Variants in ZMYM1 observed in about 807,000 individuals in gnomAD.
The protein encoded by ZMYM1 is zinc finger MYM-type containing 1.
Under a neutral mutation model 60.0 loss-of-function variants are expected in ZMYM1, and 39 were observed. That is an observed-to-expected ratio of 0.65 (90% confidence interval 0.50 to 0.85). The LOEUF is 0.85. Ranked by LOEUF, ZMYM1 falls within the 40% of genes least tolerant of loss-of-function variation. The pLI, the probability that ZMYM1 is intolerant of heterozygous loss-of-function variation, is 0.00. For missense variants in ZMYM1, 1,171 were observed against 1,309.5 expected, an observed-to-expected ratio of 0.89 and a Z score of 1.63; for synonymous variants, 413 against 454.0, an observed-to-expected ratio of 0.91 and a Z score of 1.15.
In ZMYM1 at chr1:35,062,563, A is replaced by G. The variant is rs535313555; in HGVS notation, c.-301+2638A>G. Among the ~76,000 whole-genome samples the G allele has an allele frequency of 1.1e-3, 171 of 152,370 alleles. 1 individual carries two copies. The highest frequency in any genetic ancestry group is 3.9e-3 in the African/African-American group (163 of 41,592). On this transcript the variant is annotated intron_variant, in intron 1 of 10. Transcript: ENST00000417119. ...TAGAAAGTACACTGAAGTAGGAGAT[A>G]CCAGGCACAGGTTTGTAATCCTAAA...
downstream of ZMYM1, among the ~76,000 whole-genome samples, chr1:35,116,917 C>T (rs1185744928): frequency 6.9e-6 from 1 of 143,932 alleles, no homozygotes; most frequent in Non-Finnish European, 1.5e-5. Context: ...GATCTCCGCT[C>T]ACTGCAAGCT....
At chr1:35,081,818 C>T (rs1642404134) in intron 1 of ZMYM1, among the ~76,000 whole-genome samples, 1 of 152,170 alleles carries the variant, frequency 6.6e-6, no homozygotes, top group Admixed American at 6.5e-5. Flanking sequence ...GTTTCAGCCT[C>T]CTGAGTAGCT....
chr1:35,088,818 T>TG (rs1349062430), intron 1 of ZMYM1, among the ~76,000 whole-genome samples: 9 of 147,396 alleles, frequency 6.1e-5, no homozygotes, highest in South Asian at 2.2e-4. Flanking sequence ...TTTTTTTTTT[T>TG]TTTTTGTTTT....
In ZMYM1 at chr1:35,115,093, C is replaced by T; in HGVS notation, c.3263C>T (p.Ser1088Phe). 6.2e-7 allele frequency: 1 copy of T among 1,614,086 alleles called. No homozygotes were observed. The highest frequency in any genetic ancestry group is 2.2e-5 in the East Asian group (1 of 44,866). The change falls in exon 10 of 10, where the codon TCT (serine) becomes TTT (phenylalanine). Residue 1088 changes from serine (S) to phenylalanine (F), a missense_variant. Coordinates refer to ENST00000359858, the MANE Select transcript of ZMYM1 (RefSeq NM_024772.5). The part of the protein sequence containing the change: ...ITSASTENSF[S>F]TLPRLKTYLC... ...TCAGCAAGTACTGAGAACTCATTTT[C>T]TACCCTGCCTCGTCTTAAGACATAT...
chr1:35,111,504 C>A (rs1408262317), intron 7 of ZMYM1, among the ~76,000 whole-genome samples: 1 of 152,096 alleles, frequency 6.6e-6, no homozygotes, highest in East Asian at 1.9e-4. Context: ...TAATTTTAAA[C>A]AAATTCTTTA....
chr1:35,061,392 C>T (rs1641872952), intron 1 of ZMYM1, among the ~76,000 whole-genome samples: 1 of 152,168 alleles, frequency 6.6e-6, no homozygotes, highest in Admixed American at 6.5e-5. Context: ...AATCATGTAT[C>T]ATCAGAAATG....
chr1:35,092,638 TTTC>T (rs1643093834), intron 1 of ZMYM1, among the ~76,000 whole-genome samples: 2 of 149,848 alleles, frequency 1.3e-5, no homozygotes, highest in South Asian at 4.3e-4. Flanking sequence ...TTCCTTTTCT[TTTC>T]TTTCTTGACA....
chr1:35,095,908 A>C lies in ZMYM1; in HGVS notation c.169+17A>C. 6.4e-7 allele frequency: 1 copy of C among 1,557,810 alleles called. No individual in the cohort carries two copies. Among genetic ancestry groups the C allele is most frequent in the Non-Finnish European group, 8.8e-7 (1 of 1,132,502 alleles). On this transcript the variant is annotated intron_variant, in intron 3 of 9. Coordinates refer to ENST00000359858, the MANE Select transcript of ZMYM1 (RefSeq NM_024772.5). Reference sequence around the variant, plus strand: ...CAGAGAGTGGTAATAGAATTATTTAAGTTAGTTATGTTTATTCAGACCAAT... The same window carrying C: ...CAGAGAGTGGTAATAGAATTATTTACGTTAGTTATGTTTATTCAGACCAAT...
chr1:35,068,649 A>AATAT (rs1191097052), intron 1 of ZMYM1, among the ~76,000 whole-genome samples: 7 of 145,284 alleles, frequency 4.8e-5, no homozygotes, highest in East Asian at 2.0e-4. Context: ...CAAAAAAAAA[A>AATAT]ATATATATAT....
upstream of ZMYM1, among the ~76,000 whole-genome samples, chr1:35,075,006 G>A (rs943174557): frequency 6.6e-5 from 10 of 151,752 alleles, no homozygotes; most frequent in Non-Finnish European, 1.5e-4. Flanking sequence ...GACTACAGGC[G>A]CCCGTCACTG....
chr1:35,088,846 C>G (rs1642831201), intron 1 of ZMYM1, among the ~76,000 whole-genome samples: 1 of 134,992 alleles, frequency 7.4e-6, no homozygotes, highest in South Asian at 2.5e-4. Flanking sequence ...GAGTCTCACA[C>G]TCTTGCCTGA....
intron 1 of ZMYM1, among the ~76,000 whole-genome samples, chr1:35,089,115 A>G (rs141260039): frequency 8.5e-5 from 13 of 152,156 alleles, no homozygotes; most frequent in African/African-American, 3.1e-4. Context: ...CCCAGCCTCC[A>G]CTATTTTTAT....
rs746106626 is a variant in ZMYM1, at chr1:35,095,809, T to G, written c.97-10T>G. ...ACTATTTTTAATTATTATTTTTTTTTTCTTTTTAGGAGTATTGTCATAGGC... is the reference window on the plus strand; with the variant it reads ...ACTATTTTTAATTATTATTTTTTTTGTCTTTTTAGGAGTATTGTCATAGGC... On this transcript the variant is annotated splice_polypyrimidine_tract_variant and intron_variant, in intron 2 of 9. Transcript: ENST00000359858. The G allele has an allele frequency of 2.6e-6, 4 of 1,561,726 alleles. No homozygotes were observed. In the South Asian group the frequency reaches 4.9e-5, roughly 19 times the overall value.
intron 1 of ZMYM1, among the ~76,000 whole-genome samples, chr1:35,080,674 T>G (rs571585288): frequency 2.9e-4 from 44 of 152,016 alleles, no homozygotes; most frequent in Non-Finnish European, 4.9e-4. Flanking sequence ...CATTGGTTGG[T>G]AGACACTTTA....
rs1391248500 is a variant in ZMYM1, at chr1:35,094,087, A to G, written c.96+4A>G. The G allele has an allele frequency of 6.2e-7, 1 of 1,605,702 alleles. No individual in the cohort carries two copies. The highest frequency in any genetic ancestry group is 8.5e-7 in the Non-Finnish European group (1 of 1,176,622). On this transcript the variant is annotated splice_donor_region_variant and intron_variant, in intron 2 of 9. Transcript: ENST00000359858. ...GACAGAACCCGACAATGCTCAAGTA[A>G]ATATTTTCCCTTATTTCCATTATTT...
At position 35,114,825 on chromosome 1, in the gene ZMYM1, T is replaced by C. The variant is rs765714656; in HGVS notation, c.2995T>C (p.Phe999Leu). 5 of 1,605,630 alleles carry C rather than the reference T, an allele frequency of 3.1e-6. No individual in the cohort carries two copies. The highest frequency in any genetic ancestry group is 2.3e-5 in the South Asian group (2 of 88,626). ...AATAAAGCAAATTTCAGAACTGTTATTTAAATGGAATGAACCATTAAATGA... is the reference window on the plus strand; with the variant it reads ...AATAAAGCAAATTTCAGAACTGTTACTTAAATGGAATGAACCATTAAATGA... Reference protein sequence around the residue: ...CKIKQISELLFKWNEPLNETT... With the variant: ...CKIKQISELLLKWNEPLNETT... The change falls in exon 10 of 10, where the codon TTT becomes CTT. Residue 999 changes from phenylalanine to leucine, a missense_variant. By Grantham distance (22) the Phe-to-Leu change is conservative (BLOSUM62 0). Coordinates refer to ENST00000359858, the MANE Select transcript of ZMYM1 (RefSeq NM_024772.5).
intron 1 of ZMYM1, among the ~76,000 whole-genome samples, chr1:35,083,896 G>T (rs1181661232): frequency 6.6e-6 from 1 of 152,188 alleles, no homozygotes; most frequent in African/African-American, 2.4e-5. Context: ...GGGATTATAG[G>T]CGTGAGCCAC....
rs546834005 is a variant in ZMYM1 at position 35,084,775 on chromosome 1, C to T, written c.-75+5333C>T. On this transcript the variant is annotated intron_variant, in intron 1 of 9. Coordinates refer to ENST00000359858, the MANE Select transcript of ZMYM1 (RefSeq NM_024772.5). ...TCTGTAAATGTGCAGTTTAGGAGTC[C>T]GCCAATGACTTGGAGGAGGGGAGAT... Among the ~76,000 whole-genome samples, 7 of 152,246 alleles carry T rather than the reference C, an allele frequency of 4.6e-5. No individual in the cohort carries two copies. In the South Asian group the frequency reaches 8.3e-4, roughly 18 times the overall value.
Position 35,113,263 on chromosome 1 carries a change from A to G in ZMYM1, c.1433A>G (p.Tyr478Cys), listed in dbSNP as rs765756590. The G allele has an allele frequency of 6.2e-7, 1 of 1,613,102 alleles. No homozygotes were observed. Among genetic ancestry groups the G allele is most frequent in the South Asian group, 1.1e-5 (1 of 91,048 alleles). Residue 478 changes from tyrosine to cysteine, a missense_variant, in exon 10 of 10, where the codon TAT (tyrosine) becomes TGT (cysteine). Physicochemically the swap from Tyr to Cys is radical, Grantham distance 194. Transcript: ENST00000359858. ...AGTAAAAAAGATGTGGCATTCTGTTATTCATGCCAGTTGTTCTGCCAAAAA... is the reference window on the plus strand; with the variant it reads ...AGTAAAAAAGATGTGGCATTCTGTTGTTCATGCCAGTTGTTCTGCCAAAAA... ...ENSKKDVAFC[Y>C]SCQLFCQKYF...
Sources: gnomAD v4.1 joint callset for allele counts (sites outside exome capture counted in the v4.1 genomes callset) on GRCh38, gnomAD v4.1.1 for gene constraint, MANE v1.5 for transcripts, NCBI Gene and HGNC (gene_info 2026-07-23, HGNC 2026-07-21) for gene names.